Variants in LRCH2 observed in about 807,000 individuals in gnomAD.
The protein encoded by LRCH2 is leucine-rich repeat and calponin homology domain-containing protein 2.
In LRCH2, 38 loss-of-function variants were observed where a neutral mutation model predicts 68.9. The ratio of observed to expected loss-of-function variants is 0.55; its 90% CI spans 0.43 to 0.72. LRCH2 has a LOEUF of 0.72. Ranked by LOEUF, LRCH2 falls within the 30% of genes least tolerant of loss-of-function variation. LRCH2 has a pLI of 0.00. For synonymous variants in LRCH2, 191 were observed against 208.1 expected (o/e 0.92, Z 0.71); for missense variants, 528 against 572.9 (o/e 0.92, Z 0.80).
In LRCH2 at chrX:115,131,909, C is replaced by T. The variant is rs184025755; in HGVS notation, c.1696-1710G>A. Among the ~76,000 whole-genome samples the T allele has an allele frequency of 1.1e-4, 12 of 111,904 alleles. No individual in the cohort carries two copies. The East Asian group carries it at 3.1e-3, about 29-fold the overall frequency. On this transcript the variant is annotated intron_variant, in intron 14 of 20. Coordinates refer to ENST00000317135, the MANE Select transcript of LRCH2 (RefSeq NM_020871.4). ...GTTTTGAGAAGTGTCTGTTCATCTG[C>T]TTTGCCCACTATTTGATGGGGTTGT...
At chrX:115,123,840 G>A in intron 17 of LRCH2, 105 bp downstream of exon 17, 2 of 445,567 alleles carry the variant, frequency 4.5e-6, no homozygotes, top group Non-Finnish European at 3.6e-6. Context: ...TTAGGAGAGG[G>A]GAAAGAATCT....
At chrX:115,126,126 C>T (rs985434517) in intron 16 of LRCH2, among the ~76,000 whole-genome samples, 3 of 111,747 alleles carry the variant, frequency 2.7e-5, no homozygotes, top group Admixed American at 1.9e-4. Flanking sequence ...TAATCATTTA[C>T]TTACTAATGC....
intron 12 of LRCH2, among the ~76,000 whole-genome samples, chrX:115,152,120 T>A (rs1395638525): frequency 9.0e-6 from 1 of 111,598 alleles, no homozygotes; most frequent in Non-Finnish European, 1.9e-5. Context: ...CCAGGAGTAG[T>A]ACCAGTTCCC....
chrX:115,148,757 C>T (rs2843488), intron 14 of LRCH2, among the ~76,000 whole-genome samples: 36,007 of 110,542 alleles, frequency 0.33, 5,005 homozygotes, highest in African/African-American at 0.53. Flanking sequence ...CTCATGTCTT[C>T]TGTTTCTTTG....
chrX:115,123,239 G>A, intron 17 of LRCH2, 47 bp from the exon 18 acceptor site: 1 of 986,713 alleles, frequency 1.0e-6, no homozygotes, highest in Non-Finnish European at 1.4e-6. Flanking sequence ...TAATGGGAAG[G>A]AGCAACTATT....
intron 6 of LRCH2, among the ~76,000 whole-genome samples, chrX:115,168,860 A>G (rs1447720516): frequency 9.0e-6 from 1 of 111,335 alleles, no homozygotes; most frequent in Non-Finnish European, 1.9e-5. Flanking sequence ...ATGACTTCCC[A>G]CTGTACTTTA....
At chrX:115,190,002 G>T in intron 1 of LRCH2, 1 of 1,161,687 alleles carries the variant, frequency 8.6e-7, no homozygotes, top group Non-Finnish European at 1.1e-6. Context: ...CTGTGTCGGG[G>T]CAAGATGGCT....
At chrX:115,204,760 T>A (rs4255317) in intron 1 of LRCH2, among the ~76,000 whole-genome samples, 1 of 110,479 alleles carries the variant, frequency 9.1e-6, no homozygotes, top group African/African-American at 3.3e-5. Flanking sequence ...ATTTCGTTGT[T>A]CATATCACTA....
At chrX:115,212,688 T>C (rs1371969855) in intron 1 of LRCH2, among the ~76,000 whole-genome samples, 2 of 109,021 alleles carry the variant, frequency 1.8e-5, no homozygotes, top group Non-Finnish European at 3.8e-5. Flanking sequence ...GACAGGGTCT[T>C]GGGTGGGGGC....
At chrX:115,140,752 C>T (rs1421067769) in intron 14 of LRCH2, among the ~76,000 whole-genome samples, 3 of 111,686 alleles carry the variant, frequency 2.7e-5, no homozygotes, top group Admixed American at 9.5e-5. Context: ...AGAGGTTCCT[C>T]TACCTGTGGA....
chrX:115,204,286 G>T (rs1288421484), intron 1 of LRCH2, among the ~76,000 whole-genome samples: 1 of 113,346 alleles, frequency 8.8e-6, no homozygotes, highest in African/African-American at 3.2e-5. Flanking sequence ...CCAGGCCTGT[G>T]ATGGGAAGGG....
At chrX:115,176,962 G>A (rs952719452) in intron 5 of LRCH2, among the ~76,000 whole-genome samples, 3 of 105,123 alleles carry the variant, frequency 2.9e-5, no homozygotes, top group Non-Finnish European at 5.8e-5. Context: ...GCCCAGGGTG[G>A]TCTCAAACTC....
chrX:115,205,811 AC>A (rs2072962333), intron 1 of LRCH2, among the ~76,000 whole-genome samples: 1 of 110,407 alleles, frequency 9.1e-6, no homozygotes, highest in African/African-American at 3.3e-5. Context: ...AGTGGCAAGC[AC>A]CTATAATCCC....
intron 12 of LRCH2, among the ~76,000 whole-genome samples, chrX:115,154,448 A>T (rs1569513680): frequency 2.7e-5 from 3 of 111,354 alleles, no homozygotes; most frequent in African/African-American, 9.8e-5. Flanking sequence ...CACAGAATAC[A>T]TTTTTTTCCA....
chrX:115,163,789 AGGTGACACAAACAT>A lies in LRCH2; in HGVS notation c.1356-20_1356-7del, dbSNP rs782535292. 3.5e-6 allele frequency: 4 copies of A among 1,142,381 alleles called. No individual in the cohort carries two copies. The African/African-American group carries it at 7.1e-5, about 20-fold the overall frequency. The allele number at this position is 1,142,381 out of a possible 1,213,427, so 94.1% of individuals were successfully genotyped here. A position where few individuals can be genotyped will look rare whatever the true frequency, so the allele number is the denominator to read the frequency against. On this transcript the variant is annotated splice_region_variant and splice_polypyrimidine_tract_variant and intron_variant, in intron 10 of 20. Coordinates refer to ENST00000317135, the MANE Select transcript of LRCH2 (RefSeq NM_020871.4). ...GTAACTGTTCTTTCTCAAGTCTGAA[AGGTGACACAAACAT>A]GGTTATCCAAAAAGTAAGGCAGACT...
chrX:115,193,529 T>A (rs2072862778), intron 1 of LRCH2, among the ~76,000 whole-genome samples: 1 of 112,463 alleles, frequency 8.9e-6, no homozygotes. Context: ...ACAAATATAC[T>A]TCCATTCATT....
chrX:115,180,056 A>G (rs1390806781), intron 3 of LRCH2, among the ~76,000 whole-genome samples: 1 of 111,127 alleles, frequency 9.0e-6, no homozygotes, highest in Non-Finnish European at 1.9e-5. Context: ...AGTAAGAATG[A>G]TCCAGCACTC....
rs782812481 is a variant in LRCH2, at chrX:115,131,989, C to T, written c.1696-1790G>A. ...TCTTTGTAGATTCTGGATATTAGCC[C>T]TCTGTCAGGTGGGTAGATTGTAAAA... is the stretch of plus-strand genomic sequence containing the variant. On this transcript the variant is annotated intron_variant, in intron 14 of 20. Coordinates refer to ENST00000317135, the MANE Select transcript of LRCH2 (RefSeq NM_020871.4). Among the ~76,000 whole-genome samples the T allele has an allele frequency of 5.4e-5, 6 of 111,775 alleles. No homozygotes were observed. In the East Asian group the frequency reaches 1.7e-3, roughly 32 times the overall value.
chrX:115,194,290 T>C (rs1261469440), intron 1 of LRCH2, among the ~76,000 whole-genome samples: 7 of 111,640 alleles, frequency 6.3e-5, no homozygotes, highest in African/African-American at 1.3e-4. Context: ...AAAAAAACAA[T>C]AGAATTACTA....
Sources: gnomAD v4.1 joint callset for allele counts (sites outside exome capture counted in the v4.1 genomes callset) on GRCh38, gnomAD v4.1.1 for gene constraint, MANE v1.5 for transcripts, NCBI Gene and HGNC (gene_info 2026-07-23, HGNC 2026-07-21) for gene names.